Variants in LACTBL1 observed in about 807,000 individuals in gnomAD.
The protein encoded by LACTBL1 is beta-lactamase-like protein 1.
In LACTBL1, 29 loss-of-function variants were observed where a neutral mutation model predicts 39.6. That is an observed-to-expected ratio of 0.73 (90% confidence interval 0.55 to 1.00). The LOEUF (loss-of-function observed/expected upper bound fraction) is 1.00, where lower values mean the gene tolerates loss of function less well. LACTBL1 is among the 50% of genes least tolerant of loss of function. The probability of loss-of-function intolerance (pLI) is 0.00; values close to 1 mark genes in which losing one functional copy is unlikely to be tolerated. For missense variants in LACTBL1, 711 were observed against 748.5 expected (o/e 0.95, Z 0.59); for synonymous variants, 361 against 360.7 (o/e 1.00, Z -0.01).
intron 1 of LACTBL1, among the ~76,000 whole-genome samples, chr1:22,964,131 T>C (rs1222861477): frequency 2.0e-5 from 3 of 152,130 alleles, no homozygotes; most frequent in African/African-American, 7.2e-5. Context: ...AAGCCAAGGT[T>C]TCACTATGTT....
intron 2 of LACTBL1, among the ~76,000 whole-genome samples, chr1:22,961,158 A>T (rs1255079223): frequency 2.6e-5 from 4 of 152,210 alleles, no homozygotes; most frequent in Non-Finnish European, 5.9e-5. Context: ...TTTATTGGAC[A>T]TTTAGAATGT....
At chr1:22,956,545 A>T (rs986537890) in intron 4 of LACTBL1, among the ~76,000 whole-genome samples, 2 of 152,016 alleles carry the variant, frequency 1.3e-5, no homozygotes, top group African/African-American at 4.8e-5. Context: ...TGGGTTTATG[A>T]CTGCAGATAT....
chr1:22,953,425 G>A (rs1310631387), exon 6 of LACTBL1: 4 of 1,227,470 alleles, frequency 3.3e-6, no homozygotes, highest in South Asian at 8.2e-5. Flanking sequence ...CGGCGGAGCC[G>A]GGCCGGGCTC....
chr1:22,954,070 G>A (rs1036939717), intron 5 of LACTBL1, 46 bp from the exon 8 acceptor site: 10 of 1,468,204 alleles, frequency 6.8e-6, no homozygotes, highest in South Asian at 5.6e-5. Flanking sequence ...TTCCTCACCC[G>A]CCCGCGCTGT....
At chr1:22,970,277 A>G (rs1239849117), upstream of LACTBL1, among the ~76,000 whole-genome samples, 1 of 152,252 alleles carries the variant, frequency 6.6e-6, no homozygotes, top group Non-Finnish European at 1.5e-5. Flanking sequence ...CAGCAATGTA[A>G]AGGAACGAGC....
chr1:22,965,032 C>T (rs930584097), intron 1 of LACTBL1, among the ~76,000 whole-genome samples: 1 of 152,106 alleles, frequency 6.6e-6, no homozygotes, highest in Non-Finnish European at 1.5e-5. Context: ...GAATTTTACC[C>T]CCAAACTGGG....
upstream of LACTBL1, chr1:22,965,483 G>A: frequency 8.3e-7 from 1 of 1,212,070 alleles, no homozygotes; most frequent in South Asian, 4.2e-5. Flanking sequence ...AGGGAAGAGA[G>A]GGACCCTAAC....
chr1:22,965,500 C>T (rs1417526357), upstream of LACTBL1: 19 of 847,792 alleles, frequency 2.2e-5, no homozygotes, highest in Non-Finnish European at 2.7e-5. Context: ...TAACCCTGGC[C>T]CCTCCTAGGC....
chr1:22,958,286 T>C (rs2124228202), intron 4 of LACTBL1, among the ~76,000 whole-genome samples: 1 of 152,076 alleles, frequency 6.6e-6, no homozygotes, highest in South Asian at 2.1e-4. Context: ...GGTCTTACTA[T>C]GTTGCCCAGA....
chr1:22,953,152 T>C, exon 6 of LACTBL1: 1 of 1,232,172 alleles, frequency 8.1e-7, no homozygotes, highest in African/African-American at 1.5e-5. Context: ...GGGGTAGAAG[T>C]TGACCAGCTG....
At chr1:22,963,265 A>G in intron 1 of LACTBL1, 49 bp from the exon 4 acceptor site, 1 of 1,094,892 alleles carries the variant, frequency 9.1e-7, no homozygotes. Flanking sequence ...CAGGATAGGA[A>G]TCTAGGGGGA....
At chr1:22,953,747 G>A in exon 6 of LACTBL1, 1 of 1,388,012 alleles carries the variant, frequency 7.2e-7, no homozygotes, top group East Asian at 3.1e-5. Context: ...CCGCCGCCCA[G>A]GAGCGCCACG....
chr1:22,953,807 G>A (rs1640734244), exon 6 of LACTBL1: 2 of 1,545,834 alleles, frequency 1.3e-6, no homozygotes, highest in African/African-American at 1.4e-5. Context: ...CCCGACGGCC[G>A]GTACCAGCCC....
intron 3 of LACTBL1, among the ~76,000 whole-genome samples, chr1:22,959,525 A>G (rs903096606): frequency 6.6e-6 from 1 of 152,114 alleles, no homozygotes; most frequent in Non-Finnish European, 1.5e-5. Context: ...AGAAGGGGAG[A>G]CTCCAGATAT....
At chr1:22,953,489 C>G (rs1363994883) in exon 6 of LACTBL1, 3 of 1,230,568 alleles carry the variant, frequency 2.4e-6, no homozygotes, top group Non-Finnish European at 3.0e-6. Flanking sequence ...TAGGCCCGCG[C>G]CACCAGGTCG....
upstream of LACTBL1, among the ~76,000 whole-genome samples, chr1:22,965,960 C>G (rs976200584): frequency 2.0e-5 from 3 of 152,218 alleles, no homozygotes; most frequent in East Asian, 3.9e-4. Flanking sequence ...AATGAAGAGT[C>G]ACTGCTAATG....
At chr1:22,960,174 C>T (rs1015741388) in intron 2 of LACTBL1, 75 bp from the exon 5 acceptor site, 26 of 1,508,460 alleles carry the variant, frequency 1.7e-5, no homozygotes, top group Non-Finnish European at 2.2e-5. Flanking sequence ...AAGCCACCCT[C>T]GTCCATAGTC....
At chr1:22,968,714 C>T (rs929959012), upstream of LACTBL1, among the ~76,000 whole-genome samples, 2 of 152,206 alleles carry the variant, frequency 1.3e-5, no homozygotes, top group East Asian at 3.8e-4. Flanking sequence ...CCACTTACCA[C>T]TGCGTGACCT....
chr1:22,954,224 G>A (rs1331634686), intron 5 of LACTBL1, among the ~76,000 whole-genome samples, 200 bp from the exon 8 acceptor site: 1 of 152,242 alleles, frequency 6.6e-6, no homozygotes, highest in Admixed American at 6.5e-5. Context: ...GCCCAGAGAG[G>A]GGCGGGGAAT....
Sources: allele counts gnomAD v4.1 joint callset (sites outside exome capture counted in the v4.1 genomes callset), GRCh38; gene constraint gnomAD v4.1.1; transcripts MANE v1.5; gene names NCBI Gene and HGNC (gene_info 2026-07-23, HGNC 2026-07-21).